Variants in EBF1 observed in about 807,000 individuals in gnomAD.
The protein encoded by EBF1 is transcription factor COE1.
A neutral mutation model predicts 68.4 loss-of-function variants in EBF1; 10 were observed. The observed-to-expected ratio is 0.15, with a 90% CI of 0.09 to 0.25. EBF1 has a LOEUF of 0.25. Among genes scored for constraint, EBF1 ranks in the 10% least tolerant of loss-of-function variants. EBF1 has a pLI of 1.00. For missense variants in EBF1, 509 were observed against 794.4 expected, an observed-to-expected ratio of 0.64 and a Z score of 4.32; for synonymous variants, 298 against 299.8, an observed-to-expected ratio of 0.99 and a Z score of 0.06.
chr5:158,836,453 A>T (rs965558628), intron 7 of EBF1, among the ~76,000 whole-genome samples: 7 of 152,150 alleles, frequency 4.6e-5, no homozygotes, highest in African/African-American at 1.4e-4. Context: ...AAAAAAATGG[A>T]TTCAAAAAGG....
At chr5:158,997,605 G>C (rs984409502) in intron 6 of EBF1, among the ~76,000 whole-genome samples, 3 of 152,130 alleles carry the variant, frequency 2.0e-5, no homozygotes. Context: ...TCTGGGTCTT[G>C]TTGAATCCAT....
At chr5:159,017,900 C>G (rs1000674488) in intron 6 of EBF1, among the ~76,000 whole-genome samples, 1 of 152,188 alleles carries the variant, frequency 6.6e-6, no homozygotes, top group African/African-American at 2.4e-5. Context: ...ATACTAGTGC[C>G]TGTATAAACT....
chr5:158,941,099 C>A, intron 6 of EBF1: 1 of 415,910 alleles, frequency 2.4e-6, no homozygotes, highest in Non-Finnish European at 4.8e-6. Flanking sequence ...TGACTACCAC[C>A]AGCTGTATTG....
At chr5:158,738,457 T>A (rs1765652496) in intron 10 of EBF1, among the ~76,000 whole-genome samples, 1 of 152,246 alleles carries the variant, frequency 6.6e-6, no homozygotes, top group African/African-American at 2.4e-5. Context: ...AGATTTTGCA[T>A]CTTGAACTCA....
intron 15 of EBF1, among the ~76,000 whole-genome samples, chr5:158,702,632 C>G (rs1212369988): frequency 1.3e-5 from 2 of 148,898 alleles, no homozygotes. Flanking sequence ...ATGAGCTAAT[C>G]ACTCAGGAGG....
chr5:158,898,929 C>G (rs752079913), intron 6 of EBF1, among the ~76,000 whole-genome samples: 1 of 152,188 alleles, frequency 6.6e-6, no homozygotes, highest in East Asian at 1.9e-4. Context: ...GACAACACAA[C>G]CTGCTTACAA....
intron 6 of EBF1, among the ~76,000 whole-genome samples, chr5:158,849,833 A>G (rs530400908): frequency 2.6e-5 from 4 of 152,386 alleles, no homozygotes; most frequent in South Asian, 2.1e-4. Flanking sequence ...AATATCATTC[A>G]GCACAGAACC....
chr5:159,090,740 T>G (rs1276591763), intron 4 of EBF1, among the ~76,000 whole-genome samples: 1 of 152,122 alleles, frequency 6.6e-6, no homozygotes, highest in Admixed American at 6.5e-5. Flanking sequence ...AAAAGATATT[T>G]CACTCCTATG....
rs78690524 is a variant in EBF1, at chr5:158,903,086, G to A, written c.555-62976C>T. The stretch of plus-strand genomic sequence containing the variant: ...GACAAATTAGCACTGCCATTAGGTT[G>A]AGACTCCAGTATAAAGGGGGAAAAA... On this transcript the variant is annotated intron_variant, in intron 6 of 15. Coordinates refer to ENST00000313708, the MANE Select transcript of EBF1 (RefSeq NM_024007.5). Among the ~76,000 whole-genome samples the A allele has an allele frequency of 6.7e-3, 1,015 of 152,296 alleles. 12 individuals carry two copies. The highest frequency in any genetic ancestry group is 0.023 in the African/African-American group (936 of 41,562).
chr5:158,797,391 G>A (rs1779783086), intron 8 of EBF1, among the ~76,000 whole-genome samples: 1 of 152,148 alleles, frequency 6.6e-6, no homozygotes, highest in Admixed American at 6.5e-5. Context: ...ACTCTACAGT[G>A]TCATGCTTCT....
chr5:159,073,325 T>C, intron 6 of EBF1, 71 bp downstream of exon 6: 1 of 1,527,056 alleles, frequency 6.5e-7, no homozygotes, highest in Non-Finnish European at 9.1e-7. Flanking sequence ...CCCTCGCCCA[T>C]GAGCAACACA....
chr5:159,080,292 A>G (rs951198403), intron 5 of EBF1, among the ~76,000 whole-genome samples: 2 of 152,176 alleles, frequency 1.3e-5, no homozygotes, highest in African/African-American at 4.8e-5. Flanking sequence ...TTCTCTGAAT[A>G]GACATAGCCC....
intron 6 of EBF1, among the ~76,000 whole-genome samples, chr5:158,985,205 T>C (rs1045932805): frequency 2.0e-5 from 3 of 152,186 alleles, no homozygotes; most frequent in African/African-American, 7.2e-5. Context: ...TGCAAGGAAA[T>C]CTGGTGTAAA....
intron 6 of EBF1, among the ~76,000 whole-genome samples, chr5:158,961,811 T>C (rs933951307): frequency 9.2e-5 from 14 of 152,232 alleles, no homozygotes; most frequent in African/African-American, 3.1e-4. Context: ...CATTTCTATT[T>C]TCTCAATAAT....
At chr5:158,834,849 T>C (rs1788399309) in intron 7 of EBF1, among the ~76,000 whole-genome samples, 1 of 151,910 alleles carries the variant, frequency 6.6e-6, no homozygotes, top group Non-Finnish European at 1.5e-5. Flanking sequence ...GCATACAAAG[T>C]GAGATGGAGG....
intron 10 of EBF1, among the ~76,000 whole-genome samples, chr5:158,761,479 T>C (rs1003858158): frequency 1.1e-4 from 17 of 152,198 alleles, no homozygotes; most frequent in African/African-American, 4.1e-4. Flanking sequence ...GAATGCTCAG[T>C]GGTAACTAAA....
At chr5:159,066,789 T>C (rs1455437469) in intron 6 of EBF1, among the ~76,000 whole-genome samples, 1 of 152,210 alleles carries the variant, frequency 6.6e-6, no homozygotes, top group African/African-American at 2.4e-5. Context: ...TTTTTCTTCC[T>C]CTACCCACAC....
At chr5:158,885,570 C>T (rs1464103999) in intron 6 of EBF1, among the ~76,000 whole-genome samples, 2 of 152,154 alleles carry the variant, frequency 1.3e-5, no homozygotes, top group African/African-American at 4.8e-5. Context: ...CCCACACAAT[C>T]ATCATCATAT....
At chr5:159,046,462 C>CA (rs749879436) in intron 6 of EBF1, among the ~76,000 whole-genome samples, 7 of 152,194 alleles carry the variant, frequency 4.6e-5, no homozygotes, top group African/African-American at 7.2e-5. Context: ...GTGTAAGAGC[C>CA]ATGGGCCTAA....
Sources: allele counts gnomAD v4.1 joint callset (sites outside exome capture counted in the v4.1 genomes callset), GRCh38; gene constraint gnomAD v4.1.1; transcripts MANE v1.5; gene names NCBI Gene and HGNC (gene_info 2026-07-23, HGNC 2026-07-21).